Variants in ESRRB observed in about 807,000 individuals in gnomAD.
ESRRB encodes the protein estrogen related receptor beta.
In ESRRB, 16 loss-of-function variants were observed where a neutral mutation model predicts 46.0. The observed-to-expected ratio is 0.35, with a 90% CI of 0.24 to 0.53. ESRRB has a LOEUF of 0.53. Ranked by LOEUF, ESRRB falls within the 20% of genes least tolerant of loss-of-function variation. ESRRB has a pLI of 0.93. For synonymous variants in ESRRB, 246 were observed against 259.6 expected (o/e 0.95, Z 0.50); for missense variants, 488 against 607.4 (o/e 0.80, Z 2.07).
intron 1 of ESRRB, among the ~76,000 whole-genome samples, chr14:76,425,435 G>T (rs1250794801): frequency 6.6e-6 from 1 of 152,058 alleles, no homozygotes; most frequent in Admixed American, 6.5e-5. Flanking sequence ...ATCGAATGGG[G>T]GTGGGTTGGA....
intron 1 of ESRRB, among the ~76,000 whole-genome samples, chr14:76,428,692 C>T (rs1887303920): frequency 6.6e-6 from 1 of 152,218 alleles, no homozygotes; most frequent in Non-Finnish European, 1.5e-5. Flanking sequence ...TGTCCCAGGG[C>T]AGCCACTCTG....
intron 3 of ESRRB, among the ~76,000 whole-genome samples, chr14:76,469,906 A>G (rs761732206): frequency 1.4e-4 from 21 of 151,074 alleles, no homozygotes; most frequent in Non-Finnish European, 2.8e-4. Context: ...ACATTAGGTA[A>G]AGACTAGGCT....
chr14:76,346,876 A>C (rs1226656245), intron 1 of ESRRB, among the ~76,000 whole-genome samples: 1 of 152,198 alleles, frequency 6.6e-6, no homozygotes, highest in Non-Finnish European at 1.5e-5. Flanking sequence ...ACCACATGCT[A>C]TAGATTTCCT....
At chr14:76,411,171 T>C (rs565122151) in intron 1 of ESRRB, among the ~76,000 whole-genome samples, 6 of 151,960 alleles carry the variant, frequency 3.9e-5, no homozygotes, top group Admixed American at 1.3e-4. Flanking sequence ...AGGCTGGGCA[T>C]GGTGGCTCAC....
rs531753853 is a variant in ESRRB, at chr14:76,316,105, A to G, written c.2+5189A>G. On this transcript the variant is annotated intron_variant, in intron 1 of 6. Transcript: ENST00000512784. ...CTGTGCAACCAACAGGGCTGCTTTT[A>G]TAGGGCAGCTGGTGACTGCTTTGGC... Among the ~76,000 whole-genome samples, 20 of 152,248 alleles carry G rather than the reference A, an allele frequency of 1.3e-4. No homozygotes were observed. The South Asian group carries it at 4.0e-3, about 30-fold the overall frequency.
In ESRRB at chr14:76,495,913, G is replaced by A. The variant is rs183708602; in HGVS notation, c.1121-2301G>A. ...ATCACAGACCAGTAACCTCCAGAGG[G>A]CAGGCAGGAACCAGTCTGTGTACCA... On this transcript the variant is annotated intron_variant, in intron 6 of 6. Transcript: ENST00000644823. Among the ~76,000 whole-genome samples, 79 of 152,246 alleles carry A rather than the reference G, an allele frequency of 5.2e-4. 1 individual carries two copies. The highest frequency in any genetic ancestry group is 1.8e-3 in the African/African-American group (74 of 41,540).
rs60502690 is a variant in ESRRB, at chr14:76,424,735, T to TTTTGTTTG, written c.51-14593_51-14586dup. Among the ~76,000 whole-genome samples, 103 of 151,986 alleles carry TTTTGTTTG rather than the reference T, an allele frequency of 6.8e-4. 1 individual carries two copies. The highest frequency in any genetic ancestry group is 2.2e-3 in the African/African-American group (91 of 41,378). ...AGCTGTGCTCAGTTCTAATGCTCTTTTTTGTTTGTTTGTTTGTTTGAGATA... is the reference window on the plus strand; with the variant it reads ...AGCTGTGCTCAGTTCTAATGCTCTTTTTTGTTTGTTTGTTTGTTTGTTTGTTTGAGATA... On this transcript the variant is annotated intron_variant, in intron 1 of 6. Transcript: ENST00000644823.
At position 76,385,892 on chromosome 14, in the gene ESRRB, T is replaced by C. The variant is rs184707772; in HGVS notation, c.50+9441T>C. On this transcript the variant is annotated intron_variant, in intron 1 of 6. Transcript: ENST00000644823. ...AGAAATTAGATGTGTAGATTCTCTT[T>C]TCAGTTTCCACTAATAGTATCTACC... Among the ~76,000 whole-genome samples, 5 of 150,652 alleles carry C rather than the reference T, an allele frequency of 3.3e-5. No homozygotes were observed. In the East Asian group the frequency reaches 9.9e-4, roughly 30 times the overall value.
intron 1 of ESRRB, among the ~76,000 whole-genome samples, chr14:76,400,953 C>T (rs1482634835): frequency 6.6e-6 from 1 of 152,088 alleles, no homozygotes; most frequent in African/African-American, 2.4e-5. Context: ...TCTCGCTCTC[C>T]CTGATTGTGC....
intron 1 of ESRRB, among the ~76,000 whole-genome samples, chr14:76,392,096 G>C (rs1432379842): frequency 6.6e-6 from 1 of 152,230 alleles, no homozygotes; most frequent in Non-Finnish European, 1.5e-5. Context: ...GCAGTACTTA[G>C]CGGGTCCCCC....
chr14:76,442,802 CTTTTCTTTT>C (rs1208857960), intron 2 of ESRRB, among the ~76,000 whole-genome samples: 2 of 146,834 alleles, frequency 1.4e-5, no homozygotes, highest in Non-Finnish European at 3.0e-5. Flanking sequence ...TTTCTTTTTT[CTTTTCTTTT>C]TTTTCTTTTT....
intron 5 of ESRRB, among the ~76,000 whole-genome samples, chr14:76,487,656 T>G (rs1445513048): frequency 6.6e-6 from 1 of 152,318 alleles, no homozygotes; most frequent in South Asian, 2.1e-4. Flanking sequence ...CAGGCTGGAA[T>G]GCAGTGGCAT....
intron 1 of ESRRB, among the ~76,000 whole-genome samples, chr14:76,416,036 C>T (rs1886684133): frequency 6.6e-6 from 1 of 152,000 alleles, no homozygotes; most frequent in African/African-American, 2.4e-5. Context: ...AAATAATCAG[C>T]TAATTTCCCA....
chr14:76,447,832 C>T (rs1426826905), intron 2 of ESRRB, among the ~76,000 whole-genome samples: 5 of 152,094 alleles, frequency 3.3e-5, no homozygotes, highest in East Asian at 1.9e-4. Flanking sequence ...CTCAGGCCAC[C>T]GCTGACTCCC....
intron 1 of ESRRB, among the ~76,000 whole-genome samples, chr14:76,379,996 C>T (rs1172658119): frequency 6.6e-6 from 1 of 151,956 alleles, no homozygotes; most frequent in Non-Finnish European, 1.5e-5. Context: ...TCGGGGAAAG[C>T]ACTTCAAAGG....
chr14:76,452,654 A>AC (rs1221308849), intron 2 of ESRRB, among the ~76,000 whole-genome samples: 6 of 138,834 alleles, frequency 4.3e-5, no homozygotes, highest in African/African-American at 1.6e-4. Context: ...AAAACAAAAC[A>AC]AAAAAAAAGG....
At chr14:76,497,102 G>A (rs1311550681) in intron 6 of ESRRB, among the ~76,000 whole-genome samples, 1 of 152,172 alleles carries the variant, frequency 6.6e-6, no homozygotes, top group Non-Finnish European at 1.5e-5. Flanking sequence ...CAGGAGTCAG[G>A]AGCCCACATG....
intron 1 of ESRRB, among the ~76,000 whole-genome samples, chr14:76,401,413 C>T (rs1167011683): frequency 6.6e-6 from 1 of 152,198 alleles, no homozygotes. Context: ...TGCAGCATTC[C>T]TTGAGCATTC....
chr14:76,437,324 G>T (rs1037322343), intron 1 of ESRRB, among the ~76,000 whole-genome samples: 1 of 152,122 alleles, frequency 6.6e-6, no homozygotes, highest in Admixed American at 6.5e-5. Flanking sequence ...GAGCCACCAC[G>T]CCCAGCCAGG....
Sources: allele counts gnomAD v4.1 joint callset (sites outside exome capture counted in the v4.1 genomes callset), GRCh38; gene constraint gnomAD v4.1.1; transcripts MANE v1.5; gene names NCBI Gene and HGNC (gene_info 2026-07-23, HGNC 2026-07-21).